The following TP53INP1 variants were observed in gnomAD, a reference collection of about 807,000 sequenced individuals.
The protein encoded by TP53INP1 is tumor protein p53 inducible nuclear protein 1, also known as tumor protein p53-inducible nuclear protein 1.
TP53INP1 carries 12 observed loss-of-function variants against 21.0 expected under a neutral mutation model. The ratio of observed to expected loss-of-function variants is 0.57; its 90% CI spans 0.37 to 0.93. The LOEUF (loss-of-function observed/expected upper bound fraction) is 0.93, where lower values mean the gene tolerates loss of function less well. Among genes scored for constraint, TP53INP1 ranks in the 40% least tolerant of loss-of-function variants. TP53INP1 has a pLI of 0.01. For missense variants in TP53INP1, 274 were observed against 294.7 expected (o/e 0.93, Z 0.51); for synonymous variants, 91 against 94.8 (o/e 0.96, Z 0.23).
chr8:94,939,069 A>G (rs1821270067), intron 3 of TP53INP1, among the ~76,000 whole-genome samples: 1 of 152,218 alleles, frequency 6.6e-6, no homozygotes, highest in African/African-American at 2.4e-5. Flanking sequence ...AAACCCACAC[A>G]TCTGGTGTCA....
chr8:94,932,246 T>C lies in TP53INP1; in HGVS notation c.474-1518A>G, dbSNP rs1348396038. 4.7e-6 allele frequency: 4 copies of C among 852,284 alleles called. No individual in the cohort carries two copies. The African/African-American group carries it at 5.1e-5, about 11-fold the overall frequency. The allele number at this position is 852,284 out of a possible 1,614,324, so 52.8% of individuals were successfully genotyped here. A position where few individuals can be genotyped will look rare whatever the true frequency, so the allele number is the denominator to read the frequency against. On this transcript the variant is annotated intron_variant, in intron 3 of 3. Transcript: ENST00000342697. ...TAAAGGCACGTACATGTGCTTAAGATAACATGTAAAACCTTCAAAAACAAT... is the reference window on the plus strand; with the variant it reads ...TAAAGGCACGTACATGTGCTTAAGACAACATGTAAAACCTTCAAAAACAAT...
At chr8:94,948,614 G>C (rs1037064074) in intron 1 of TP53INP1, among the ~76,000 whole-genome samples, 1 of 152,166 alleles carries the variant, frequency 6.6e-6, no homozygotes, top group Non-Finnish European at 1.5e-5. Flanking sequence ...CGCAGGGGAC[G>C]GGATCGCAGG....
intron 1 of TP53INP1, among the ~76,000 whole-genome samples, chr8:94,944,960 T>A (rs1448931859): frequency 1.3e-5 from 2 of 152,202 alleles, no homozygotes; most frequent in Non-Finnish European, 2.9e-5. Context: ...GGCAAGGAGC[T>A]ATTGGAGAGA....
In TP53INP1 at chr8:94,929,307, C is replaced by T. The variant is rs149278400; in HGVS notation, c.*1172G>A. 2 of 152,114 alleles carry T rather than the reference C, an allele frequency of 1.3e-5. No homozygotes were observed. The highest frequency in any genetic ancestry group is 6.5e-5 in the Admixed American group (1 of 15,270). 9.4% of individuals were successfully genotyped at this position (152,114 alleles called of 1,614,324 possible). On this transcript the variant is annotated 3_prime_UTR_variant, in exon 4 of 4. Transcript: ENST00000342697. ...GAGGGAGGTAAATGTCACTGCTCCC[C>T]GTTGGTGGGGGAAACAGAGGCCAGA...
In TP53INP1 at chr8:94,927,947, G is replaced by A. The variant is rs538190494; in HGVS notation, c.*2532C>T. Reference sequence around the variant, plus strand: ...AGCTCATAAAATGCATTTTGGCCATGTTTCAGAGAATACTTAACAGGTCAA... The same window carrying A: ...AGCTCATAAAATGCATTTTGGCCATATTTCAGAGAATACTTAACAGGTCAA... On this transcript the variant is annotated 3_prime_UTR_variant, in exon 4 of 4. Coordinates refer to ENST00000342697, the MANE Select transcript of TP53INP1 (RefSeq NM_033285.4). 6.6e-6 allele frequency: 1 copy of A among 151,356 alleles called. No individual in the cohort carries two copies. Among genetic ancestry groups the A allele is most frequent in the African/African-American group, 2.4e-5 (1 of 41,382 alleles). The allele number at this position is 151,356 out of a possible 1,614,324, so 9.4% of individuals were successfully genotyped here.
At position 94,940,071 on chromosome 8, in the gene TP53INP1, C is replaced by G; in HGVS notation, c.262G>C (p.Glu88Gln). Residue 88 changes from glutamate to glutamine, a missense_variant, in exon 3 of 4, where the codon GAG becomes CAG. By Grantham distance (29) the Glu-to-Gln change is conservative. Coordinates refer to ENST00000342697, the MANE Select transcript of TP53INP1 (RefSeq NM_033285.4). ...DTSDSCFLQF[E>Q]SCPMEESWFI... ...CAGCTCTCCTCCATTGGACATGACT[C>G]AAACTGGAGAAAGCAGGAATCACTT... 1 of 1,614,208 alleles carries G rather than the reference C, an allele frequency of 6.2e-7. No individual in the cohort carries two copies. Among genetic ancestry groups the G allele is most frequent in the Non-Finnish European group, 8.5e-7 (1 of 1,180,038 alleles).
intron 3 of TP53INP1, among the ~76,000 whole-genome samples, chr8:94,934,479 G>C (rs970163090): frequency 2.0e-5 from 3 of 151,246 alleles, no homozygotes; most frequent in African/African-American, 7.3e-5. Context: ...TCTGCCTCCC[G>C]GGTTCAAGCA....
chr8:94,936,518 A>C (rs1008312860), intron 3 of TP53INP1, among the ~76,000 whole-genome samples: 1 of 152,162 alleles, frequency 6.6e-6, no homozygotes, highest in Non-Finnish European at 1.5e-5. Flanking sequence ...AGGTAAAAAC[A>C]AATCGGCTCT....
At chr8:94,943,552 C>T (rs1373777428) in intron 1 of TP53INP1, among the ~76,000 whole-genome samples, 1 of 152,166 alleles carries the variant, frequency 6.6e-6, no homozygotes, top group Non-Finnish European at 1.5e-5. Flanking sequence ...CTAATCACCA[C>T]CTCTTTTTAT....
intron 3 of TP53INP1, among the ~76,000 whole-genome samples, chr8:94,933,529 C>T (rs984056470): frequency 6.6e-6 from 1 of 151,620 alleles, no homozygotes; most frequent in Non-Finnish European, 1.5e-5. Flanking sequence ...CTTTGGAAGG[C>T]CAAGGCAGGT....
At chr8:94,934,157 AAAAC>A (rs1164000919) in intron 3 of TP53INP1, among the ~76,000 whole-genome samples, 1 of 152,190 alleles carries the variant, frequency 6.6e-6, no homozygotes, top group South Asian at 2.1e-4. Flanking sequence ...CAGAAAAAAA[AAAAC>A]ACAATCTGGA....
At chr8:94,944,029 G>A (rs1821784632) in intron 1 of TP53INP1, among the ~76,000 whole-genome samples, 1 of 152,214 alleles carries the variant, frequency 6.6e-6, no homozygotes, top group African/African-American at 2.4e-5. Flanking sequence ...AGATTTTTGA[G>A]GATACATGCT....
In TP53INP1 at chr8:94,926,774, C is replaced by G. The variant is rs1766290021; in HGVS notation, c.*3705G>C. On this transcript the variant is annotated 3_prime_UTR_variant, in exon 4 of 4. Coordinates refer to ENST00000342697, the MANE Select transcript of TP53INP1 (RefSeq NM_033285.4). ...TGTTTTCCAGTACCTCTTTCTCCAC[C>G]CTAAACAGTTGAAATTTAATTGGTC... The G allele has an allele frequency of 6.6e-6, 1 of 152,136 alleles. No individual in the cohort carries two copies. The highest frequency in any genetic ancestry group is 2.1e-4 in the South Asian group (1 of 4,834). The allele number at this position is 152,136 out of a possible 1,614,324, so 9.4% of individuals were successfully genotyped here.
At chr8:94,935,888 G>A (rs1312974053) in intron 3 of TP53INP1, among the ~76,000 whole-genome samples, 2 of 152,088 alleles carry the variant, frequency 1.3e-5, no homozygotes, top group Non-Finnish European at 2.9e-5. Context: ...ACCTAGTACT[G>A]TAAAACAAAA....
chr8:94,934,333 G>A (rs955159513), intron 3 of TP53INP1, among the ~76,000 whole-genome samples: 1 of 151,854 alleles, frequency 6.6e-6, no homozygotes, highest in African/African-American at 2.4e-5. Flanking sequence ...ACACAACACT[G>A]CAAAGTAAAC....
rs2945554 is a variant in TP53INP1, at chr8:94,927,366, C to A, written c.*3113G>T. 0.63 allele frequency: 96,104 copies of A among 152,048 alleles called. 30,862 individuals are homozygous for A. The highest frequency in any genetic ancestry group is 0.79 in the East Asian group (4,095 of 5,176). The allele number at this position is 152,048 out of a possible 1,614,324, so 9.4% of individuals were successfully genotyped here. On this transcript the variant is annotated 3_prime_UTR_variant, in exon 4 of 4. Coordinates refer to ENST00000342697, the MANE Select transcript of TP53INP1 (RefSeq NM_033285.4). The stretch of plus-strand genomic sequence containing the variant: ...ACTATACAGATTTCAGAAGCAGAAA[C>A]AATGCTGAACAGCCTGCTCAAGTTT...
chr8:94,932,308 T>C (rs1025284521), intron 3 of TP53INP1, among the ~76,000 whole-genome samples: 1 of 152,240 alleles, frequency 6.6e-6, no homozygotes, highest in Non-Finnish European at 1.5e-5. Context: ...ATGTATACCC[T>C]GAAGCCCACT....
At chr8:94,938,656 A>T (rs1474249488) in intron 3 of TP53INP1, among the ~76,000 whole-genome samples, 1 of 152,192 alleles carries the variant, frequency 6.6e-6, no homozygotes, top group Admixed American at 6.5e-5. Flanking sequence ...TAAGACCCCA[A>T]TAGTACTGAG....
At chr8:94,934,334 C>G (rs1820755495) in intron 3 of TP53INP1, among the ~76,000 whole-genome samples, 1 of 151,882 alleles carries the variant, frequency 6.6e-6, no homozygotes, top group Admixed American at 6.6e-5. Context: ...CACAACACTG[C>G]AAAGTAAACA....
Sources: gnomAD v4.1 joint callset for allele counts (sites outside exome capture counted in the v4.1 genomes callset) on GRCh38, gnomAD v4.1.1 for gene constraint, MANE v1.5 for transcripts, NCBI Gene and HGNC (gene_info 2026-07-23, HGNC 2026-07-21) for gene names.